TDP2: variants seen among roughly 807,000 people sequenced by gnomAD.
TDP2 encodes the protein tyrosyl-DNA phosphodiesterase 2.
Under a neutral mutation model 42.8 loss-of-function variants are expected in TDP2, and 38 were observed. The observed-to-expected ratio is 0.89, with a 90% CI of 0.68 to 1.16. The LOEUF (loss-of-function observed/expected upper bound fraction) is 1.16. Ranked by LOEUF, TDP2 falls within the 50% of genes most tolerant of loss-of-function variation. The probability of loss-of-function intolerance (pLI) is 0.00; values close to 1 mark genes in which losing one functional copy is unlikely to be tolerated. For synonymous variants in TDP2, 173 were observed against 150.6 expected, an observed-to-expected ratio of 1.15 and a Z score of -1.09; for missense variants, 439 against 439.3, an observed-to-expected ratio of 1.00 and a Z score of 0.01.
At chr6:24,660,460 C>A (rs1225157369) in intron 2 of TDP2, among the ~76,000 whole-genome samples, 1 of 152,186 alleles carries the variant, frequency 6.6e-6, no homozygotes, top group Non-Finnish European at 1.5e-5. Flanking sequence ...CACAATGGCA[C>A]TTACTTGTGT....
intron 4 of TDP2, among the ~76,000 whole-genome samples, chr6:24,657,466 T>C (rs1778075855): frequency 6.6e-6 from 1 of 151,092 alleles, no homozygotes; most frequent in African/African-American, 2.4e-5. Flanking sequence ...ACAAAATAAA[T>C]AAGGAATTAT....
At chr6:24,662,740 C>G (rs993971111) in intron 2 of TDP2, among the ~76,000 whole-genome samples, 1 of 152,192 alleles carries the variant, frequency 6.6e-6, no homozygotes, top group Non-Finnish European at 1.5e-5. Context: ...CTCAGTCTCT[C>G]GTCCCACCTG....
chr6:24,662,217 T>TC (rs762384826), intron 2 of TDP2, among the ~76,000 whole-genome samples: 9 of 151,364 alleles, frequency 5.9e-5, no homozygotes, highest in Non-Finnish European at 1.2e-4. Flanking sequence ...GATCTGACCG[T>TC]CCCCCAGCCC....
At chr6:24,651,935 CAT>C (rs1473998496) in intron 6 of TDP2, among the ~76,000 whole-genome samples, 1 of 152,178 alleles carries the variant, frequency 6.6e-6, no homozygotes, top group Non-Finnish European at 1.5e-5. Context: ...AGTATATTCA[CAT>C]AGTTGTGCAA....
Position 24,666,580 on chromosome 6 carries a change from A to T in TDP2, c.197T>A (p.Val66Glu), listed in dbSNP as rs1354039132. 1 of 1,614,140 alleles carries T rather than the reference A, an allele frequency of 6.2e-7. No individual in the cohort carries two copies. The highest frequency in any genetic ancestry group is 8.5e-7 in the Non-Finnish European group (1 of 1,180,002). Residue 66 changes from valine (V) to glutamate (E), a missense_variant, in exon 2 of 7, where the codon GTG becomes GAG. Transcript: ENST00000378198. The part of the protein sequence containing the change: ...RALNSYFEPP[V>E]EESALERRPE... ...TCGGCGTTCCAAGGCGCTCTCCTCC[A>T]CCGGAGGCTCGAAGTAGGAGTTCAG...
chr6:24,666,771 T>G lies in TDP2; in HGVS notation c.92A>C (p.Glu31Ala), dbSNP rs776938646. ...EVKKRRLLCV[E>A]FASVASCDAA... The stretch of plus-strand genomic sequence containing the variant: ...ATCGCAGCTTGCGACCGAGGCAAAC[T>G]CCACACACAGAAGTCGCCGCTTTTT... Residue 31 changes from glutamate (E) to alanine (A), a missense_variant, in exon 1 of 7, where the codon GAG (glutamate) becomes GCG (alanine). Glu to Ala is a moderately radical substitution (Grantham distance 107). Coordinates refer to ENST00000378198, the MANE Select transcript of TDP2 (RefSeq NM_016614.3). 2 of 1,614,168 alleles carry G rather than the reference T, an allele frequency of 1.2e-6. No individual in the cohort carries two copies. Among genetic ancestry groups the G allele is most frequent in the South Asian group, 2.2e-5 (2 of 91,086 alleles).
rs1778096418 is a variant in TDP2 at position 24,658,752 on chromosome 6, A to C, written c.252-18T>G. 1 of 1,591,728 alleles carries C rather than the reference A, an allele frequency of 6.3e-7. No individual in the cohort carries two copies. The highest frequency in any genetic ancestry group is 8.5e-7 in the Non-Finnish European group (1 of 1,170,692). ...GGTCAACACTGGCAAGATCAGAATAAAACATGGCTTTGCAAATAATCTATA... is the reference window on the plus strand; with the variant it reads ...GGTCAACACTGGCAAGATCAGAATACAACATGGCTTTGCAAATAATCTATA... On this transcript the variant is annotated intron_variant, in intron 2 of 6. Coordinates refer to ENST00000378198, the MANE Select transcript of TDP2 (RefSeq NM_016614.3).
intron 2 of TDP2, among the ~76,000 whole-genome samples, chr6:24,661,593 T>C (rs1778148534): frequency 6.6e-6 from 1 of 152,238 alleles, no homozygotes. Context: ...TGAAAAGCCC[T>C]TGTTCCTTTC....
At chr6:24,662,350 C>T (rs1362691698) in intron 2 of TDP2, among the ~76,000 whole-genome samples, 4 of 152,060 alleles carry the variant, frequency 2.6e-5, no homozygotes, top group Non-Finnish European at 5.9e-5. Flanking sequence ...GTATAAAACC[C>T]GATCGTACAT....
Position 24,650,684 on chromosome 6 carries a change from G to A in TDP2, c.*104C>T. ...CATAAATCATAGTTGGTTTTTCTGT[G>A]ACAATGATCTAGTACATTATTTCCT... is the stretch of plus-strand genomic sequence containing the variant. On this transcript the variant is annotated 3_prime_UTR_variant, in exon 7 of 7. Coordinates refer to ENST00000378198, the MANE Select transcript of TDP2 (RefSeq NM_016614.3). 8.7e-7 allele frequency: 1 copy of A among 1,147,028 alleles called. No individual in the cohort carries two copies. The allele number at this position is 1,147,028 out of a possible 1,614,324, so 71.1% of individuals were successfully genotyped here.
chr6:24,651,729 G>A (rs1337182886), intron 6 of TDP2, among the ~76,000 whole-genome samples: 2 of 152,002 alleles, frequency 1.3e-5, no homozygotes, highest in Non-Finnish European at 2.9e-5. Context: ...TGGGATCACA[G>A]GCATGTGCCA....
chr6:24,665,756 T>C (rs990026239), intron 2 of TDP2, among the ~76,000 whole-genome samples: 1 of 152,158 alleles, frequency 6.6e-6, no homozygotes, highest in Non-Finnish European at 1.5e-5. Context: ...TGCAGGATGC[T>C]ATAAGAGTAC....
intron 6 of TDP2, 69 bp from the exon 7 acceptor site, chr6:24,651,138 A>G: frequency 2.2e-6 from 3 of 1,338,652 alleles, no homozygotes. Context: ...AAAAAAAAAA[A>G]AAAGGTGTTT....
rs549111384 is a variant in TDP2 at position 24,657,861 on chromosome 6, T to C, written c.468A>G (p.Pro156=). The C allele has an allele frequency of 1.3e-6, 2 of 1,586,504 alleles. No homozygotes were observed. Among genetic ancestry groups the C allele is most frequent in the South Asian group, 1.1e-5 (1 of 87,836 alleles). ...ATCTCTTCTTTAGGTAGCTATAATATGGGGGAATAACTTCCTGTAGAAATA... is the reference window on the plus strand; with the variant it reads ...ATCTCTTCTTTAGGTAGCTATAATACGGGGGAATAACTTCCTGTAGAAATA... The part of the protein sequence containing the change: ...DVIFLQEVIP[P]YYSYLKKRSS... The change falls in exon 4 of 7, where the codon CCA becomes CCG. Residue 156 remains proline, a synonymous_variant. Transcript: ENST00000378198.
intron 2 of TDP2, among the ~76,000 whole-genome samples, chr6:24,664,330 TAA>T (rs1554188691): frequency 8.9e-5 from 7 of 78,906 alleles, no homozygotes; most frequent in Non-Finnish European, 9.2e-5. Flanking sequence ...GCACAGCTAA[TAA>T]AAAAAAAAAA....
At chr6:24,666,102 T>C (rs914831804) in intron 2 of TDP2, 2 of 1,531,140 alleles carry the variant, frequency 1.3e-6, no homozygotes, top group East Asian at 2.5e-5. Flanking sequence ...TAAAAAAAAA[T>C]AACAACAACA....
At chr6:24,662,218 C>T (rs1266297487) in intron 2 of TDP2, among the ~76,000 whole-genome samples, 2 of 151,934 alleles carry the variant, frequency 1.3e-5, no homozygotes, top group African/African-American at 4.8e-5. Context: ...ATCTGACCGT[C>T]CCCCAGCCCG....
intron 4 of TDP2, among the ~76,000 whole-genome samples, chr6:24,655,566 C>T (rs1028823119): frequency 5.9e-5 from 9 of 152,166 alleles, no homozygotes; most frequent in African/African-American, 2.2e-4. Context: ...GTGACTGTCC[C>T]TCTATTAACA....
intron 3 of TDP2, among the ~76,000 whole-genome samples, chr6:24,658,137 G>A (rs377136376): frequency 2.0e-5 from 3 of 152,212 alleles, no homozygotes; most frequent in East Asian, 3.9e-4. Flanking sequence ...AATAGAAACC[G>A]CCATATTGAG....
Sources: allele counts gnomAD v4.1 joint callset (sites outside exome capture counted in the v4.1 genomes callset), GRCh38; gene constraint gnomAD v4.1.1; transcripts MANE v1.5; gene names NCBI Gene and HGNC (gene_info 2026-07-23, HGNC 2026-07-21).